The following BCL7C variants were observed in gnomAD, a reference collection of about 807,000 sequenced individuals.
BCL7C encodes the protein BAF chromatin remodeling complex subunit BCL7C, also known as B-cell CLL/lymphoma 7 protein family member C.
In BCL7C, 8 loss-of-function variants were observed where a neutral mutation model predicts 26.2. The ratio of observed to expected loss-of-function variants is 0.30; its 90% CI spans 0.18 to 0.55. The LOEUF is 0.55. Among genes scored for constraint, BCL7C ranks in the 20% least tolerant of loss-of-function variants. The pLI, the probability that BCL7C is intolerant of heterozygous loss-of-function variation, is 0.93. For synonymous variants in BCL7C, 90 were observed against 116.5 expected, an observed-to-expected ratio of 0.77 and a Z score of 1.47; for missense variants, 262 against 298.5, an observed-to-expected ratio of 0.88 and a Z score of 0.90.
chr16:30,892,728 A>G lies in BCL7C; in HGVS notation c.300T>C (p.Ser100=), dbSNP rs762211851. The change falls in exon 4 of 6, where the codon AGT becomes AGC. Residue 100 remains serine, a synonymous_variant. Transcript: ENST00000215115. The part of the protein sequence containing the change: ...LDLNDENSNQ[S]FHSEGSLQKG... Reference sequence around the variant, plus strand: ...TTTGCAGGGAACCTTCCGAATGGAAACTCTGGTTGCTGTTCTCATCTGCGG... The same window carrying G: ...TTTGCAGGGAACCTTCCGAATGGAAGCTCTGGTTGCTGTTCTCATCTGCGG... 3.1e-6 allele frequency: 5 copies of G among 1,613,866 alleles called. No homozygotes were observed. Among genetic ancestry groups the G allele is most frequent in the East Asian group, 2.2e-5 (1 of 44,870 alleles).
chr16:30,844,041 CAAAAAAAAAAAAAAA>C (rs533064710), intron 5 of BCL7C, among the ~76,000 whole-genome samples: 2 of 24,378 alleles, frequency 8.2e-5, no homozygotes. Context: ...GACTCTGCCT[CAAAAAAAAAAAAAAA>C]AAAAAAAAAA....
chr16:30,835,235 C>T (rs2151357678), intron 5 of BCL7C: 5 of 1,219,614 alleles, frequency 4.1e-6, no homozygotes, highest in Middle Eastern at 2.0e-4. Context: ...TTTATGACTT[C>T]CAAATGGCGC....
At position 30,892,931 on chromosome 16, in the gene BCL7C, A is replaced by G; in HGVS notation, c.189T>C (p.Gly63=). Residue 63 remains glycine, a synonymous_variant, in exon 3 of 6, where the codon GGT becomes GGC. Coordinates refer to ENST00000215115, the MANE Select transcript of BCL7C (RefSeq NM_004765.4). The part of the protein sequence containing the change: ...DPQEEERRRA[G]GGAERSRGRE... ...GGCCACGGGATCTCTCTGCCCCGCC[A>G]CCTGCCCGCCTTCGCTCCTGGGGGT... The G allele has an allele frequency of 6.2e-7, 1 of 1,612,724 alleles. No homozygotes were observed. The highest frequency in any genetic ancestry group is 2.2e-5 in the East Asian group (1 of 44,868).
rs765481514 is a variant in BCL7C at position 30,892,645 on chromosome 16, G to C, written c.383C>G (p.Ala128Gly). 2 of 1,612,546 alleles carry C rather than the reference G, an allele frequency of 1.2e-6. No homozygotes were observed. The highest frequency in any genetic ancestry group is 1.7e-6 in the Non-Finnish European group (2 of 1,179,374). The change falls in exon 4 of 6, where the codon GCC becomes GGC. Residue 128 changes from alanine (A) to glycine (G), a missense_variant. Coordinates refer to ENST00000215115, the MANE Select transcript of BCL7C (RefSeq NM_004765.4). Reference protein sequence around the residue: ...TPQPSRPVSPAGPPEGVPEEA... With the variant: ...TPQPSRPVSPGGPPEGVPEEA... ...CTCAGGGACCCCTTCTGGGGGTCCG[G>C]CAGGTGACACAGGGCGGCTGGGCTG...
chr16:30,837,295 T>G (rs1459202107), intron 5 of BCL7C, among the ~76,000 whole-genome samples: 1 of 152,172 alleles, frequency 6.6e-6, no homozygotes, highest in Non-Finnish European at 1.5e-5. Flanking sequence ...TAGCATCCTG[T>G]TCATTCCAGA....
At chr16:30,857,823 T>C (rs2054736086) in intron 5 of BCL7C, among the ~76,000 whole-genome samples, 1 of 151,704 alleles carries the variant, frequency 6.6e-6, no homozygotes, top group South Asian at 2.1e-4. Flanking sequence ...ATACAAAAAT[T>C]AGCTGGGTGT....
intron 5 of BCL7C, among the ~76,000 whole-genome samples, chr16:30,865,369 G>A (rs2054816423): frequency 6.6e-6 from 1 of 151,828 alleles, no homozygotes; most frequent in Non-Finnish European, 1.5e-5. Flanking sequence ...TTGCTGTTTG[G>A]TGGTATCTTC....
At chr16:30,889,049 AG>A in intron 4 of BCL7C, 104 bp from the exon 5 acceptor site, 1 of 1,127,458 alleles carries the variant, frequency 8.9e-7, no homozygotes. Flanking sequence ...CAGAGGGCAG[AG>A]GGCCATGGGA....
At chr16:30,863,118 G>A (rs150608327) in intron 5 of BCL7C, among the ~76,000 whole-genome samples, 1 of 152,012 alleles carries the variant, frequency 6.6e-6, no homozygotes, top group African/African-American at 2.4e-5. Context: ...TGATCCACCT[G>A]GCATTCACTC....
chr16:30,893,004 GGAAACTGAGGCAC>G lies in BCL7C; in HGVS notation c.172-69_172-57del. 1 of 1,519,190 alleles carries G rather than the reference GGAAACTGAGGCAC, an allele frequency of 6.6e-7. No homozygotes were observed. The highest frequency in any genetic ancestry group is 1.2e-5 in the South Asian group (1 of 85,612). 94.1% of individuals were successfully genotyped at this position (1,519,190 alleles called of 1,614,324 possible). A position where few individuals can be genotyped will look rare whatever the true frequency, so the allele number is the denominator to read the frequency against. On this transcript the variant is annotated intron_variant, in intron 2 of 5. Transcript: ENST00000215115. This position sits in a 1 kb window ranked among gnomAD's most constrained non-coding sequence, Gnocchi z 5.2. ...TTGGAAAGCCCCACCATACACCTAA[GGAAACTGAGGCAC>G]TGAGAAGCAAAAGGGCTCAAACTCA...
At chr16:30,874,790 T>C (rs755574062) in intron 5 of BCL7C, among the ~76,000 whole-genome samples, 1 of 152,174 alleles carries the variant, frequency 6.6e-6, no homozygotes, top group African/African-American at 2.4e-5. Context: ...CACCCCAGAC[T>C]GTTTTTCTGT....
rs748294959 is a variant in BCL7C, at chr16:30,893,975, G to T, written c.-31C>A. On this transcript the variant is annotated 5_prime_UTR_variant, in exon 1 of 6. Transcript: ENST00000215115. This position sits in a 1 kb window ranked among gnomAD's most constrained non-coding sequence, Gnocchi z 5.2. ...CGGGGCTGGGGCCGGGGCCGAGCCC[G>T]CGGCGGGGCCGCCTCCCGTCCGGCG... 9 of 1,214,890 alleles carry T rather than the reference G, an allele frequency of 7.4e-6. No individual in the cohort carries two copies. In the African/African-American group the frequency reaches 8.0e-5, roughly 11 times the overall value. The allele number at this position is 1,214,890 out of a possible 1,614,324, so 75.3% of individuals were successfully genotyped here. A position where few individuals can be genotyped will look rare whatever the true frequency, so the allele number is the denominator to read the frequency against.
intron 5 of BCL7C, among the ~76,000 whole-genome samples, chr16:30,848,891 CAAAA>C (rs58484131): frequency 2.3e-5 from 3 of 131,818 alleles, no homozygotes; most frequent in Admixed American, 7.7e-5. Flanking sequence ...GACTCCATCA[CAAAA>C]AAAAAAAAAA....
At chr16:30,840,028 G>A (rs748107924) in intron 5 of BCL7C, among the ~76,000 whole-genome samples, 3 of 152,028 alleles carry the variant, frequency 2.0e-5, no homozygotes, top group Non-Finnish European at 4.4e-5. Flanking sequence ...TTTTATGCAG[G>A]TAGAGATCTA....
intron 5 of BCL7C, among the ~76,000 whole-genome samples, chr16:30,848,519 C>A (rs1276629231): frequency 6.6e-6 from 1 of 152,158 alleles, no homozygotes; most frequent in Non-Finnish European, 1.5e-5. Context: ...TCCCTAGGAA[C>A]AAAGTAGATG....
Position 30,893,522 on chromosome 16 carries a change from C to G in BCL7C, c.93-232G>C, listed in dbSNP as rs1013391005. ...TTTGGGGCCCTGGCTCTGCGGACCC[C>G]TGGGGCACACATGGGGGGCGTGGCT... On this transcript the variant is annotated intron_variant, in intron 1 of 5. Coordinates refer to ENST00000215115, the MANE Select transcript of BCL7C (RefSeq NM_004765.4). The surrounding 1 kb of genome is among the most constrained non-coding windows in gnomAD (Gnocchi z 5.2). Among the ~76,000 whole-genome samples the G allele has an allele frequency of 6.6e-6, 1 of 152,104 alleles. No individual in the cohort carries two copies. The highest frequency in any genetic ancestry group is 2.1e-4 in the South Asian group (1 of 4,828).
chr16:30,860,188 C>T (rs776825528), intron 5 of BCL7C, among the ~76,000 whole-genome samples: 1 of 152,218 alleles, frequency 6.6e-6, no homozygotes, highest in Non-Finnish European at 1.5e-5. Context: ...GTGCCGGTCA[C>T]GGACTCGGGA....
intron 5 of BCL7C, chr16:30,852,104 G>A (rs2054680092): frequency 1.3e-5 from 2 of 157,004 alleles, no homozygotes; most frequent in Middle Eastern, 1.2e-3. Context: ...GTTGGTCATT[G>A]TCAACTTCCG....
At chr16:30,856,004 T>G (rs7195076) in intron 5 of BCL7C, among the ~76,000 whole-genome samples, 1 of 149,346 alleles carries the variant, frequency 6.7e-6, no homozygotes, top group African/African-American at 2.5e-5. Flanking sequence ...GGAGGTTGCA[T>G]TGAGCCAAGA....
Sources: allele counts gnomAD v4.1 joint callset (sites outside exome capture counted in the v4.1 genomes callset), GRCh38; gene constraint gnomAD v4.1.1; non-coding constraint Gnocchi (gnomAD v3.1); transcripts MANE v1.5; gene names NCBI Gene and HGNC (gene_info 2026-07-23, HGNC 2026-07-21).